ARL15: variants seen among roughly 807,000 people sequenced by gnomAD.
ARL15 encodes ARF like GTPase 15.
Under a neutral mutation model 25.2 loss-of-function variants are expected in ARL15, and 19 were observed. The ratio of observed to expected loss-of-function variants is 0.75; its 90% CI spans 0.53 to 1.10. The LOEUF (loss-of-function observed/expected upper bound fraction) is 1.10, where lower values mean the gene tolerates loss of function less well. Among genes scored for constraint, ARL15 ranks in the 50% least tolerant of loss-of-function variants. The pLI is 0.00. For synonymous variants in ARL15, 94 were observed against 86.8 expected (o/e 1.08, Z -0.46); for missense variants, 220 against 246.0 (o/e 0.89, Z 0.71).
intron 4 of ARL15, among the ~76,000 whole-genome samples, chr5:53,962,957 G>A (rs1747421816): frequency 6.6e-6 from 1 of 151,920 alleles, no homozygotes; most frequent in Admixed American, 6.6e-5. Flanking sequence ...AACTCTCCAG[G>A]CTTTAAATGA....
At chr5:53,900,281 T>C (rs909482210) in intron 4 of ARL15, among the ~76,000 whole-genome samples, 2 of 152,216 alleles carry the variant, frequency 1.3e-5, no homozygotes, top group African/African-American at 4.8e-5. Flanking sequence ...CAGGTGTGAT[T>C]GAACCACAAA....
intron 3 of ARL15, among the ~76,000 whole-genome samples, chr5:54,114,207 G>A (rs540370648): frequency 6.6e-6 from 1 of 152,004 alleles, no homozygotes; most frequent in Admixed American, 6.6e-5. Flanking sequence ...AGACCAGCCT[G>A]GCCAACATGG....
intron 4 of ARL15, among the ~76,000 whole-genome samples, chr5:54,039,657 G>A (rs1439097390): frequency 6.6e-6 from 1 of 151,826 alleles, no homozygotes; most frequent in Non-Finnish European, 1.5e-5. Flanking sequence ...ACAAAAATTA[G>A]ATGGGCTTGG....
At chr5:54,170,688 G>A (rs575572176) in intron 2 of ARL15, among the ~76,000 whole-genome samples, 3 of 152,092 alleles carry the variant, frequency 2.0e-5, no homozygotes, top group South Asian at 4.2e-4. Flanking sequence ...CAAATCTAAT[G>A]TAGCAAACCA....
intron 4 of ARL15, among the ~76,000 whole-genome samples, chr5:54,073,140 T>A (rs1012356993): frequency 2.6e-5 from 4 of 152,256 alleles, no homozygotes; most frequent in African/African-American, 7.2e-5. Flanking sequence ...GAACAGTTGA[T>A]TATAGAACGA....
Position 54,196,161 on chromosome 5 carries a change from G to A in ARL15, c.49-24233C>T, listed in dbSNP as rs1027978402. On this transcript the variant is annotated intron_variant, in intron 1 of 4. Coordinates refer to ENST00000504924, the MANE Select transcript of ARL15 (RefSeq NM_019087.3). Reference sequence around the variant, plus strand: ...AAACTATATAGAATTTAGATTTTTAGAGCTAGAAAATACCTTAAAGAGTAT... The same window carrying A: ...AAACTATATAGAATTTAGATTTTTAAAGCTAGAAAATACCTTAAAGAGTAT... Among the ~76,000 whole-genome samples the A allele has an allele frequency of 1.2e-4, 18 of 152,146 alleles. No individual in the cohort carries two copies. The South Asian group carries it at 2.3e-3, about 19-fold the overall frequency.
intron 1 of ARL15, among the ~76,000 whole-genome samples, chr5:54,218,641 G>A (rs975632078): frequency 6.6e-6 from 1 of 152,098 alleles, no homozygotes; most frequent in Non-Finnish European, 1.5e-5. Flanking sequence ...GGGAAGTCGT[G>A]GGGCACACTG....
intron 3 of ARL15, among the ~76,000 whole-genome samples, chr5:54,148,396 A>C (rs1310567035): frequency 1.3e-5 from 2 of 152,168 alleles, no homozygotes; most frequent in Non-Finnish European, 2.9e-5. Flanking sequence ...AAGAAACCTT[A>C]AAAAAATGGC....
At chr5:54,019,653 A>C (rs1749532860) in intron 4 of ARL15, among the ~76,000 whole-genome samples, 2 of 152,340 alleles carry the variant, frequency 1.3e-5, no homozygotes, top group South Asian at 4.1e-4. Flanking sequence ...GAAATGTAAT[A>C]AACTACATCC....
intron 4 of ARL15, among the ~76,000 whole-genome samples, chr5:53,939,578 TAAAA>T (rs932342726): frequency 6.6e-6 from 1 of 151,644 alleles, no homozygotes; most frequent in Admixed American, 6.6e-5. Context: ...CTACTAAAAA[TAAAA>T]AAATTAGCTA....
chr5:54,241,691 T>A (rs1259223247), intron 1 of ARL15, among the ~76,000 whole-genome samples: 1 of 152,210 alleles, frequency 6.6e-6, no homozygotes, highest in Non-Finnish European at 1.5e-5. Context: ...TGAATCCGAT[T>A]CCTTATATAA....
intron 4 of ARL15, among the ~76,000 whole-genome samples, chr5:53,951,322 T>C (rs1580111578): frequency 6.6e-6 from 1 of 152,218 alleles, no homozygotes; most frequent in South Asian, 2.1e-4. Flanking sequence ...CTGGTTTGTT[T>C]TGAGTATTTG....
chr5:54,177,323 G>C (rs1465731726), intron 1 of ARL15, among the ~76,000 whole-genome samples: 4 of 152,148 alleles, frequency 2.6e-5, no homozygotes, highest in African/African-American at 7.2e-5. Context: ...GTAGACTTTG[G>C]ACAAATCATG....
chr5:54,158,725 T>G (rs1454188012), intron 2 of ARL15, among the ~76,000 whole-genome samples: 1 of 151,950 alleles, frequency 6.6e-6, no homozygotes, highest in African/African-American at 2.4e-5. Context: ...ATACAAAAAT[T>G]AGCTGGGCGT....
At chr5:54,060,005 C>G (rs76387935) in intron 4 of ARL15, among the ~76,000 whole-genome samples, 1 of 151,540 alleles carries the variant, frequency 6.6e-6, no homozygotes, top group African/African-American at 2.4e-5. Context: ...TATACTGATA[C>G]GGTTTGGCTG....
At chr5:54,231,925 T>C (rs1214501742) in intron 1 of ARL15, among the ~76,000 whole-genome samples, 3 of 152,136 alleles carry the variant, frequency 2.0e-5, no homozygotes, top group African/African-American at 7.2e-5. Context: ...ACATATGAAC[T>C]TGGGGAGACA....
At chr5:53,993,045 T>C in intron 4 of ARL15, among the ~76,000 whole-genome samples, 1 of 116,058 alleles carries the variant, frequency 8.6e-6, no homozygotes, top group Non-Finnish European at 1.9e-5. Flanking sequence ...AAACTCCTTC[T>C]CAAAAAAAAA....
chr5:54,174,971 C>A (rs1160765913), intron 1 of ARL15, among the ~76,000 whole-genome samples: 1 of 152,216 alleles, frequency 6.6e-6, no homozygotes, highest in Non-Finnish European at 1.5e-5. Context: ...GCCCTAGAGG[C>A]CTTCATTCTC....
At chr5:54,137,860 G>A (rs542606029) in intron 3 of ARL15, among the ~76,000 whole-genome samples, 1 of 149,940 alleles carries the variant, frequency 6.7e-6, no homozygotes, top group East Asian at 2.0e-4. Flanking sequence ...CCCGTAACAT[G>A]GATTTTAAGA....
Sources: allele counts gnomAD v4.1 joint callset (sites outside exome capture counted in the v4.1 genomes callset), GRCh38; gene constraint gnomAD v4.1.1; transcripts MANE v1.5; gene names NCBI Gene and HGNC (gene_info 2026-07-23, HGNC 2026-07-21).